SMAP1: variants seen among roughly 807,000 people sequenced by gnomAD.
SMAP1 encodes small ArfGAP 1.
A neutral mutation model predicts 58.5 loss-of-function variants in SMAP1; 24 were observed. The ratio of observed to expected loss-of-function variants is 0.41; its 90% CI spans 0.30 to 0.58. The LOEUF (loss-of-function observed/expected upper bound fraction) is 0.58. SMAP1 is among the 20% of genes least tolerant of loss of function. The probability of loss-of-function intolerance (pLI) is 0.29; values close to 1 mark genes in which losing one functional copy is unlikely to be tolerated. For synonymous variants in SMAP1, 216 were observed against 196.6 expected (o/e 1.10, Z -0.82); for missense variants, 563 against 566.3 (o/e 0.99, Z 0.06).
chr6:70,848,568 A>G (rs961742930), intron 7 of SMAP1, among the ~76,000 whole-genome samples: 3 of 152,148 alleles, frequency 2.0e-5, no homozygotes, highest in African/African-American at 7.2e-5. Flanking sequence ...AAAAAGGTGA[A>G]GGACATTGAG....
chr6:70,741,510 CT>C (rs910962399), intron 2 of SMAP1, among the ~76,000 whole-genome samples: 4 of 152,242 alleles, frequency 2.6e-5, no homozygotes, highest in African/African-American at 9.6e-5. Flanking sequence ...AGCTCCACCC[CT>C]ATGGCTTTGC....
intron 6 of SMAP1, among the ~76,000 whole-genome samples, chr6:70,829,435 TATGTC>T (rs1473893950): frequency 1.3e-5 from 2 of 152,152 alleles, no homozygotes; most frequent in Non-Finnish European, 2.9e-5. Context: ...AGTTTTCTGT[TATGTC>T]ATTGTAAGAA....
At chr6:70,812,475 G>A (rs1280425776) in intron 6 of SMAP1, among the ~76,000 whole-genome samples, 2 of 152,162 alleles carry the variant, frequency 1.3e-5, no homozygotes, top group Non-Finnish European at 2.9e-5. Flanking sequence ...GCCTGTAGCC[G>A]TACACTTTGT....
Position 70,811,027 on chromosome 6 carries a change from T to G in SMAP1, c.576+12290T>G, listed in dbSNP as rs891020481. Among the ~76,000 whole-genome samples, 4 of 152,178 alleles carry G rather than the reference T, an allele frequency of 2.6e-5. No homozygotes were observed. The East Asian group carries it at 7.7e-4, about 29-fold the overall frequency. The stretch of plus-strand genomic sequence containing the variant: ...TGTGTAATAACTTCTTACAATCAAT[T>G]TTTAAAACTGGAGTTGCTGAGTCAA... On this transcript the variant is annotated intron_variant, in intron 6 of 10. Transcript: ENST00000370455.
chr6:70,776,513 G>A (rs1222437022), intron 4 of SMAP1, among the ~76,000 whole-genome samples: 2 of 152,112 alleles, frequency 1.3e-5, no homozygotes, highest in Non-Finnish European at 2.9e-5. Context: ...GGAACATTCA[G>A]TATCATCTAG....
At chr6:70,753,367 A>G (rs1427412409) in intron 2 of SMAP1, among the ~76,000 whole-genome samples, 2 of 152,132 alleles carry the variant, frequency 1.3e-5, no homozygotes, top group Admixed American at 1.3e-4. Flanking sequence ...CTTTCAGTGA[A>G]CTGTATCTGA....
At chr6:70,746,840 C>G (rs1376398499) in intron 2 of SMAP1, among the ~76,000 whole-genome samples, 2 of 152,060 alleles carry the variant, frequency 1.3e-5, no homozygotes, top group Non-Finnish European at 2.9e-5. Context: ...ATTATTGCCT[C>G]AATTTCAGAG....
chr6:70,689,545 G>A (rs1009544685), intron 1 of SMAP1, among the ~76,000 whole-genome samples: 1 of 152,076 alleles, frequency 6.6e-6, no homozygotes, highest in African/African-American at 2.4e-5. Context: ...AAGTTGTTAT[G>A]CCTATTCTAG....
chr6:70,704,211 G>A (rs576413688), intron 1 of SMAP1, among the ~76,000 whole-genome samples: 1 of 152,238 alleles, frequency 6.6e-6, no homozygotes, highest in South Asian at 2.1e-4. Flanking sequence ...CTGTCCTCAT[G>A]TAATTTTTAG....
At chr6:70,781,094 TTC>T (rs1767744436) in intron 4 of SMAP1, among the ~76,000 whole-genome samples, 1 of 152,142 alleles carries the variant, frequency 6.6e-6, no homozygotes, top group African/African-American at 2.4e-5. Context: ...TTGGCTTGAG[TTC>T]TGTTTCATTA....
chr6:70,676,383 G>A (rs1387325171), intron 1 of SMAP1, among the ~76,000 whole-genome samples: 1 of 152,138 alleles, frequency 6.6e-6, no homozygotes. Context: ...GCTAATAAGG[G>A]TACAGTCTGG....
intron 4 of SMAP1, among the ~76,000 whole-genome samples, chr6:70,786,861 A>T (rs1276271360): frequency 6.6e-6 from 1 of 152,216 alleles, no homozygotes; most frequent in Non-Finnish European, 1.5e-5. Context: ...ATATCATGAA[A>T]ATGGCCATAC....
At position 70,861,349 on chromosome 6, in the gene SMAP1, G is replaced by A; in HGVS notation, c.*1015G>A. 4.1e-6 allele frequency: 1 copy of A among 241,916 alleles called. No homozygotes were observed. Among genetic ancestry groups the A allele is most frequent in the Non-Finnish European group, 8.1e-6 (1 of 123,552 alleles). 15.0% of individuals were successfully genotyped at this position (241,916 alleles called of 1,614,324 possible). A position where few individuals can be genotyped will look rare whatever the true frequency, so the allele number is the denominator to read the frequency against. ...GTCTACCAATTATAAGGGCAAATTGGAGAAAAAGAAAAAATATATACTCAA... is the reference window on the plus strand; with the variant it reads ...GTCTACCAATTATAAGGGCAAATTGAAGAAAAAGAAAAAATATATACTCAA... On this transcript the variant is annotated 3_prime_UTR_variant, in exon 11 of 11. Transcript: ENST00000370455.
chr6:70,820,737 A>G lies in SMAP1; in HGVS notation c.577-16204A>G, dbSNP rs543273468. On this transcript the variant is annotated intron_variant, in intron 6 of 10. Transcript: ENST00000370455. Reference sequence around the variant, plus strand: ...AAAAAAAAAGAAAACTTTATTGTTCAAGATAATTTGATCAAGTGAGAGAGA... The same window carrying G: ...AAAAAAAAAGAAAACTTTATTGTTCGAGATAATTTGATCAAGTGAGAGAGA... 3.3e-5 allele frequency among the ~76,000 whole-genome samples: 5 copies of G among 152,022 alleles called. No individual in the cohort carries two copies. In the South Asian group the frequency reaches 8.3e-4, roughly 25 times the overall value.
intron 6 of SMAP1, among the ~76,000 whole-genome samples, chr6:70,819,431 A>G (rs983646645): frequency 6.6e-6 from 1 of 152,088 alleles, no homozygotes; most frequent in African/African-American, 2.4e-5. Flanking sequence ...ATGTTCATTC[A>G]TGATAGTTTC....
At chr6:70,780,139 TTTATACAGA>T (rs1419291356) in intron 4 of SMAP1, among the ~76,000 whole-genome samples, 1 of 152,184 alleles carries the variant, frequency 6.6e-6, no homozygotes, top group Non-Finnish European at 1.5e-5. Flanking sequence ...AGGGTTGGTG[TTTATACAGA>T]GTGTATATAC....
At chr6:70,840,785 AATT>A (rs1379408509) in intron 7 of SMAP1, among the ~76,000 whole-genome samples, 1 of 152,204 alleles carries the variant, frequency 6.6e-6, no homozygotes, top group East Asian at 1.9e-4. Flanking sequence ...TCGTCTTAGA[AATT>A]ACCAAGGGCC....
At chr6:70,770,755 A>G (rs1767253958) in intron 3 of SMAP1, among the ~76,000 whole-genome samples, 1 of 152,114 alleles carries the variant, frequency 6.6e-6, no homozygotes, top group Non-Finnish European at 1.5e-5. Flanking sequence ...AACTTGTCAA[A>G]GTCATTCTCT....
Position 70,697,103 on chromosome 6 carries a change from A to G in SMAP1, c.118+28962A>G, listed in dbSNP as rs1400401563. Among the ~76,000 whole-genome samples the G allele has an allele frequency of 2.6e-5, 4 of 151,590 alleles. No individual in the cohort carries two copies. The East Asian group carries it at 5.8e-4, about 22-fold the overall frequency. Reference sequence around the variant, plus strand: ...TATCTTCTTCCATCCCTTTATTTTCAGTCTTTGTGTGTTATTACAGGTGAA... The same window carrying G: ...TATCTTCTTCCATCCCTTTATTTTCGGTCTTTGTGTGTTATTACAGGTGAA... On this transcript the variant is annotated intron_variant, in intron 1 of 10. Coordinates refer to ENST00000370455, the MANE Select transcript of SMAP1 (RefSeq NM_001044305.3).
Sources: gnomAD v4.1 joint callset for allele counts (sites outside exome capture counted in the v4.1 genomes callset) on GRCh38, gnomAD v4.1.1 for gene constraint, MANE v1.5 for transcripts, NCBI Gene and HGNC (gene_info 2026-07-23, HGNC 2026-07-21) for gene names.